HEATR5A: variants seen among roughly 807,000 people sequenced by gnomAD.
HEATR5A encodes HEAT repeat containing 5A.
In HEATR5A, 178 loss-of-function variants were observed where a neutral mutation model predicts 218.8. That is an observed-to-expected ratio of 0.81 (90% CI 0.72 to 0.92). The LOEUF (loss-of-function observed/expected upper bound fraction) is 0.92, where lower values mean the gene tolerates loss of function less well. HEATR5A is among the 40% of genes least tolerant of loss of function. The pLI is 0.00. For synonymous variants in HEATR5A, 864 were observed against 871.6 expected (o/e 0.99, Z 0.15); for missense variants, 2,420 against 2,418.9 (o/e 1.00, Z -0.01).
chr14:31,353,741 A>AT (rs1386942078), intron 16 of HEATR5A, among the ~76,000 whole-genome samples: 1 of 151,610 alleles, frequency 6.6e-6, no homozygotes, highest in Non-Finnish European at 1.5e-5. Flanking sequence ...GCCTCAAAAA[A>AT]AAATCACAAA....
Position 31,380,323 on chromosome 14 carries a change from T to G in HEATR5A, c.1708+144A>C, listed in dbSNP as rs1455703213. The G allele has an allele frequency of 8.8e-6, 5 of 568,700 alleles. No homozygotes were observed. The East Asian group carries it at 1.4e-4, about 16-fold the overall frequency. 35.2% of individuals were successfully genotyped at this position (568,700 alleles called of 1,614,324 possible). On this transcript the variant is annotated intron_variant, in intron 11 of 35. Transcript: ENST00000543095. ...GACGAAAGTAAAAGGCTTTTTAAGG[T>G]GACTACTACAAGAAAAATGTTTGTG... is the stretch of plus-strand genomic sequence containing the variant.
chr14:31,311,004 C>T (rs1196850148), intron 28 of HEATR5A, among the ~76,000 whole-genome samples: 5 of 151,128 alleles, frequency 3.3e-5, no homozygotes, highest in Non-Finnish European at 7.4e-5. Context: ...AACCCAGCAA[C>T]ACCCTGTCTC....
At chr14:31,295,493 A>C (rs1212680152) in intron 34 of HEATR5A, 1 of 146,880 alleles carries the variant, frequency 6.8e-6, no homozygotes, top group Non-Finnish European at 1.5e-5. Flanking sequence ...CAATCTGCCC[A>C]CCGCGTCCTC....
intron 24 of HEATR5A, among the ~76,000 whole-genome samples, chr14:31,322,750 T>G (rs1378916443): frequency 1.3e-5 from 2 of 151,364 alleles, no homozygotes; most frequent in Non-Finnish European, 2.9e-5. Flanking sequence ...GCCTGGAAGG[T>G]TGAGGTTACA....
rs748178632 is a variant in HEATR5A, at chr14:31,347,725, G to T, written c.2868+23C>A. Reference sequence around the variant, plus strand: ...CATCTAAAAATCATGAATTTCAAGGGAAGTATCACATGAGGTACCCACCTG... The same window carrying T: ...CATCTAAAAATCATGAATTTCAAGGTAAGTATCACATGAGGTACCCACCTG... On this transcript the variant is annotated intron_variant, in intron 19 of 35. Coordinates refer to ENST00000543095, the MANE Select transcript of HEATR5A (RefSeq NM_015473.4). The T allele has an allele frequency of 2.0e-6, 3 of 1,496,514 alleles. No individual in the cohort carries two copies. In the African/African-American group the frequency reaches 4.3e-5, roughly 21 times the overall value. The allele number at this position is 1,496,514 out of a possible 1,614,324, so 92.7% of individuals were successfully genotyped here.
chr14:31,299,447 CAGT>C (rs1182403239), intron 33 of HEATR5A, among the ~76,000 whole-genome samples: 1 of 152,216 alleles, frequency 6.6e-6, no homozygotes, highest in African/African-American at 2.4e-5. Flanking sequence ...TGGCCAGACA[CAGT>C]GGCTCATGCC....
intron 22 of HEATR5A, among the ~76,000 whole-genome samples, chr14:31,326,813 T>A (rs1238517531): frequency 2.0e-5 from 3 of 151,870 alleles, no homozygotes; most frequent in Non-Finnish European, 4.4e-5. Flanking sequence ...CAGCTAATTT[T>A]TTTTTATTTT....
chr14:31,294,221 T>C, intron 34 of HEATR5A, 117 bp from the exon 35 acceptor site: 2 of 719,072 alleles, frequency 2.8e-6, no homozygotes. Context: ...AATTTGTGTT[T>C]AATTTTGAAA....
chr14:31,342,157 C>A (rs566191715), intron 21 of HEATR5A, among the ~76,000 whole-genome samples: 11 of 152,180 alleles, frequency 7.2e-5, no homozygotes, highest in African/African-American at 2.4e-4. Flanking sequence ...GGGGCTGAGG[C>A]AGGAGGATGG....
At chr14:31,294,740 ACAAAACAAAACAAAAAAACACC>A (rs1899123668) in intron 34 of HEATR5A, among the ~76,000 whole-genome samples, 2 of 152,078 alleles carry the variant, frequency 1.3e-5, no homozygotes, top group Non-Finnish European at 2.9e-5. Flanking sequence ...AGAAAGCAAA[ACAAAACAAAACAAAAAAACACC>A]CAAAACAAAA....
chr14:31,326,431 T>C, intron 22 of HEATR5A, 89 bp from the exon 23 acceptor site: 2 of 907,976 alleles, frequency 2.2e-6, no homozygotes, highest in Non-Finnish European at 1.7e-6. Context: ...ATTCAAATAG[T>C]AGATAAAAAT....
chr14:31,387,696 A>C (rs2030287121), intron 7 of HEATR5A, among the ~76,000 whole-genome samples: 1 of 151,986 alleles, frequency 6.6e-6, no homozygotes, highest in Admixed American at 6.6e-5. Flanking sequence ...AGTAGCTGGG[A>C]CTACAGGGGC....
Position 31,386,454 on chromosome 14 carries a change from G to A in HEATR5A, c.1311C>T (p.Thr437=), listed in dbSNP as rs1441293600. The A allele has an allele frequency of 6.2e-7, 1 of 1,613,712 alleles. No individual in the cohort carries two copies. The highest frequency in any genetic ancestry group is 1.7e-5 in the Admixed American group (1 of 59,992). ...AATCCTGTAGCAAAGGTGCCGCTGTGGTGCCAAGATTGTGTATGAGATTTC... is the reference window on the plus strand; with the variant it reads ...AATCCTGTAGCAAAGGTGCCGCTGTAGTGCCAAGATTGTGTATGAGATTTC... ...ELGNLIHNLG[T]TAAPLLQDSS... Residue 437 remains threonine, a synonymous_variant, in exon 9 of 36, where the codon ACC becomes ACT. Transcript: ENST00000543095.
chr14:31,375,342 G>A (rs2139261952), intron 11 of HEATR5A, among the ~76,000 whole-genome samples: 1 of 152,286 alleles, frequency 6.6e-6, no homozygotes, highest in Middle Eastern at 3.4e-3. Context: ...CTGAAAAGCT[G>A]TAATGGACCA....
chr14:31,405,521 C>G lies in HEATR5A; in HGVS notation c.-74-2472G>C, dbSNP rs1237649763. On this transcript the variant is annotated intron_variant, in intron 1 of 35. Transcript: ENST00000543095. ...AAAATTCTAGCTTGTTTTAAAAAACCCTCCTTTCCTTTGTTCAATTATCAA... is the reference window on the plus strand; with the variant it reads ...AAAATTCTAGCTTGTTTTAAAAAACGCTCCTTTCCTTTGTTCAATTATCAA... Among the ~76,000 whole-genome samples, 3 of 152,250 alleles carry G rather than the reference C, an allele frequency of 2.0e-5. No homozygotes were observed. The South Asian group carries it at 6.2e-4, about 32-fold the overall frequency.
At chr14:31,387,430 TC>T (rs1566778445) in intron 7 of HEATR5A, 55 bp from the exon 8 acceptor site, 3 of 1,276,672 alleles carry the variant, frequency 2.3e-6, no homozygotes, top group Non-Finnish European at 3.3e-6. Flanking sequence ...TTCTGTATTC[TC>T]CCCCACAAAA....
chr14:31,333,472 G>A (rs1900546213), intron 22 of HEATR5A, among the ~76,000 whole-genome samples: 1 of 151,988 alleles, frequency 6.6e-6, no homozygotes, highest in Non-Finnish European at 1.5e-5. Flanking sequence ...GGCTGGTCTT[G>A]AACTCCTGAC....
At chr14:31,294,902 G>A (rs577341724) in intron 34 of HEATR5A, among the ~76,000 whole-genome samples, 4 of 152,160 alleles carry the variant, frequency 2.6e-5, no homozygotes, top group African/African-American at 9.7e-5. Flanking sequence ...GTGTCATCAG[G>A]CATCAGAGTC....
chr14:31,345,932 T>C (rs896398055), intron 19 of HEATR5A, among the ~76,000 whole-genome samples: 3 of 150,950 alleles, frequency 2.0e-5, no homozygotes, highest in East Asian at 1.9e-4. Context: ...ACACACACAA[T>C]GGTTTAAATG....
Sources: gnomAD v4.1 joint callset for allele counts (sites outside exome capture counted in the v4.1 genomes callset) on GRCh38, gnomAD v4.1.1 for gene constraint, MANE v1.5 for transcripts, NCBI Gene and HGNC (gene_info 2026-07-23, HGNC 2026-07-21) for gene names.